CACNA1C: variants seen among roughly 807,000 people sequenced by gnomAD.
The protein encoded by CACNA1C is calcium voltage-gated channel subunit alpha1 C.
In CACNA1C, 30 loss-of-function variants were observed where a neutral mutation model predicts 229.0. That is an observed-to-expected ratio of 0.13 (90% confidence interval 0.10 to 0.18). The LOEUF is 0.18. Ranked by LOEUF, CACNA1C falls within the 10% of genes least tolerant of loss-of-function variation. The pLI is 1.00. For synonymous variants in CACNA1C, 1,114 were observed against 1,132.5 expected (o/e 0.98, Z 0.33); for missense variants, 1,658 against 2,845.0 (o/e 0.58, Z 9.49).
chr12:2,492,513 C>T (rs2239091), intron 6 of CACNA1C, among the ~76,000 whole-genome samples: 61,639 of 152,150 alleles, frequency 0.41, 15,872 homozygotes, highest in African/African-American at 0.73. Flanking sequence ...CAGTCAGTAG[C>T]GTGTACTCAC....
intron 9 of CACNA1C, among the ~76,000 whole-genome samples, chr12:2,518,477 G>A (rs934693646): frequency 2.6e-5 from 4 of 151,722 alleles, no homozygotes; most frequent in Admixed American, 6.6e-5. Flanking sequence ...GAGCGGTGGC[G>A]GGCTCCTGTA....
intron 3 of CACNA1C, among the ~76,000 whole-genome samples, chr12:2,441,273 G>T (rs569044480): frequency 6.6e-6 from 1 of 152,296 alleles, no homozygotes; most frequent in East Asian, 1.9e-4. Flanking sequence ...TAGCCACACA[G>T]TGTTCAGCAC....
At chr12:2,454,508 G>T (rs1300535760) in intron 4 of CACNA1C, among the ~76,000 whole-genome samples, 1 of 152,052 alleles carries the variant, frequency 6.6e-6, no homozygotes, top group Non-Finnish European at 1.5e-5. Context: ...TGCCACTGCT[G>T]CCCTCACTCA....
intron 9 of CACNA1C, among the ~76,000 whole-genome samples, chr12:2,548,089 C>T (rs1486345983): frequency 8.1e-6 from 1 of 123,608 alleles, no homozygotes; most frequent in East Asian, 2.5e-4. Flanking sequence ...AACCTTTGGG[C>T]TGAGATGGCT....
chr12:2,183,631 C>T (rs1391130264), intron 3 of CACNA1C, among the ~76,000 whole-genome samples: 1 of 152,152 alleles, frequency 6.6e-6, no homozygotes, highest in Admixed American at 6.5e-5. Flanking sequence ...AAGATGCATC[C>T]TCTCATGGTA....
intron 3 of CACNA1C, among the ~76,000 whole-genome samples, chr12:2,411,836 C>T (rs1038510350): frequency 2.0e-5 from 3 of 152,252 alleles, no homozygotes; most frequent in Non-Finnish European, 2.9e-5. Flanking sequence ...TTCTGAAGCT[C>T]TGCCCCAAAG....
intron 3 of CACNA1C, among the ~76,000 whole-genome samples, chr12:2,246,944 C>T (rs981996691): frequency 9.2e-5 from 14 of 152,248 alleles, no homozygotes; most frequent in Non-Finnish European, 1.9e-4. Flanking sequence ...CCTTCCAGGC[C>T]GTTCTTCCCC....
Position 2,679,807 on chromosome 12 carries a change from G to A in CACNA1C, c.5444+11G>A. On this transcript the variant is annotated intron_variant, in intron 42 of 46. Transcript: ENST00000399655. The surrounding 1 kb of genome is among the most constrained non-coding windows in gnomAD (Gnocchi z 5.5). ...GCTCAGCTCCAACAGGTAAGTGGGA[G>A]GCTGGCCACCCCAGGCGGCACACAG... 6.5e-7 allele frequency: 1 copy of A among 1,537,498 alleles called. No homozygotes were observed. Among genetic ancestry groups the A allele is most frequent in the Non-Finnish European group, 8.8e-7 (1 of 1,135,144 alleles).
chr12:2,192,637 T>C (rs1409471819), intron 3 of CACNA1C, among the ~76,000 whole-genome samples: 1 of 152,250 alleles, frequency 6.6e-6, no homozygotes, highest in Non-Finnish European at 1.5e-5. Flanking sequence ...ATGTGAATGC[T>C]GCCATCACAA....
chr12:2,394,424 T>C (rs566272493), intron 3 of CACNA1C, among the ~76,000 whole-genome samples: 1 of 152,352 alleles, frequency 6.6e-6, no homozygotes, highest in Admixed American at 6.5e-5. Context: ...GTAGAATAAA[T>C]TTGAGCCACC....
rs749850754 is a variant in CACNA1C at position 2,585,226 on chromosome 12, C to T, written c.2340-150C>T. On this transcript the variant is annotated intron_variant, in intron 16 of 46. Transcript: ENST00000399655. This position sits in a 1 kb window ranked among gnomAD's most constrained non-coding sequence, Gnocchi z 4.1. ...ATAGCACTTGTGACTGAGCTGCACA[C>T]GAGAAGCGTCCTGGAGAAAGGAAGA... The T allele has an allele frequency of 1.2e-5, 8 of 669,600 alleles. No homozygotes were observed. Among genetic ancestry groups the T allele is most frequent in the Non-Finnish European group, 1.6e-5 (7 of 429,850 alleles). The allele number at this position is 669,600 out of a possible 1,614,324, so 41.5% of individuals were successfully genotyped here. A position where few individuals can be genotyped will look rare whatever the true frequency, so the allele number is the denominator to read the frequency against.
intron 1 of CACNA1C, among the ~76,000 whole-genome samples, chr12:2,005,398 C>A (rs953916273): frequency 2.6e-5 from 4 of 152,108 alleles, no homozygotes; most frequent in Admixed American, 2.0e-4. Context: ...TTTCATAAAA[C>A]ATTTTTACTT....
chr12:2,307,462 C>G (rs1278570516), intron 3 of CACNA1C, among the ~76,000 whole-genome samples: 6 of 152,200 alleles, frequency 3.9e-5, no homozygotes, highest in African/African-American at 1.4e-4. Flanking sequence ...TCCCTGCTTC[C>G]CAGTACTCAT....
At chr12:2,617,445 C>T (rs1268916194) in intron 29 of CACNA1C, among the ~76,000 whole-genome samples, 1 of 152,206 alleles carries the variant, frequency 6.6e-6, no homozygotes, top group Non-Finnish European at 1.5e-5. Context: ...GTGCCAAAAC[C>T]AGCCCACTCT....
intron 3 of CACNA1C, among the ~76,000 whole-genome samples, chr12:2,437,601 G>A (rs752098209): frequency 6.6e-6 from 1 of 152,186 alleles, no homozygotes; most frequent in Admixed American, 6.5e-5. Flanking sequence ...TCCAGGCTCC[G>A]ACTGTTGCTA....
At chr12:2,668,499 G>C (rs2096361592) in intron 37 of CACNA1C, 1 of 172,330 alleles carries the variant, frequency 5.8e-6, no homozygotes, top group Non-Finnish European at 1.2e-5. Context: ...CTGAGACTGG[G>C]TAATTTATAA....
At chr12:2,430,609 G>A (rs1190093115) in intron 3 of CACNA1C, among the ~76,000 whole-genome samples, 4 of 152,076 alleles carry the variant, frequency 2.6e-5, no homozygotes, top group Admixed American at 2.0e-4. Flanking sequence ...ACCCAATGCT[G>A]GCACAGAGTA....
chr12:2,527,367 A>C (rs2099820176), intron 9 of CACNA1C, among the ~76,000 whole-genome samples: 1 of 152,188 alleles, frequency 6.6e-6, no homozygotes, highest in South Asian at 2.1e-4. Context: ...TACTCTCAAC[A>C]ACTTACTGAT....
chr12:2,676,126 G>T (rs551429140), intron 39 of CACNA1C: 1 of 152,338 alleles, frequency 6.6e-6, no homozygotes, highest in South Asian at 2.1e-4. Context: ...GCAGATTCAG[G>T]ATTCAAACCC....
Sources: allele counts gnomAD v4.1 joint callset (sites outside exome capture counted in the v4.1 genomes callset), GRCh38; gene constraint gnomAD v4.1.1; non-coding constraint Gnocchi (gnomAD v3.1); transcripts MANE v1.5; gene names NCBI Gene and HGNC (gene_info 2026-07-23, HGNC 2026-07-21).